Variants in DLG1 observed in about 807,000 individuals in gnomAD.
DLG1 encodes the protein discs large MAGUK scaffold protein 1.
DLG1 carries 42 observed loss-of-function variants against 123.4 expected under a neutral mutation model. The ratio of observed to expected loss-of-function variants is 0.34; its 90% confidence interval spans 0.27 to 0.44. The LOEUF is 0.44. Ranked by LOEUF, DLG1 falls within the 20% of genes least tolerant of loss-of-function variation. DLG1 has a pLI of 1.00. For synonymous variants in DLG1, 317 were observed against 356.2 expected, an observed-to-expected ratio of 0.89 and a Z score of 1.24; for missense variants, 942 against 1,082.6, an observed-to-expected ratio of 0.87 and a Z score of 1.82.
At position 197,169,548 on chromosome 3, in the gene DLG1, T is replaced by C. The variant is rs542421214; in HGVS notation, c.484-19752A>G. 3.3e-5 allele frequency among the ~76,000 whole-genome samples: 5 copies of C among 152,324 alleles called. No individual in the cohort carries two copies. In the South Asian group the frequency reaches 1.0e-3, roughly 32 times the overall value. ...TTTATACAAGAGTTCGACTCAGGTA[T>C]AAAAGAGTTGCAAGGCTATCTAAAT... On this transcript the variant is annotated intron_variant, in intron 5 of 24. Coordinates refer to ENST00000667157, the MANE Select transcript of DLG1 (RefSeq NM_001366207.1).
intron 4 of DLG1, among the ~76,000 whole-genome samples, chr3:197,246,569 GAATA>G (rs1751823322): frequency 6.6e-6 from 1 of 152,164 alleles, no homozygotes; most frequent in South Asian, 2.1e-4. Context: ...GTAATAGACT[GAATA>G]AATTTGGGCC....
chr3:197,133,155 G>C (rs1189706667), intron 10 of DLG1, among the ~76,000 whole-genome samples: 3 of 152,174 alleles, frequency 2.0e-5, no homozygotes, highest in South Asian at 2.1e-4. Flanking sequence ...CACGTAACTA[G>C]CTTTAGCCAA....
At chr3:197,186,238 C>T (rs1220013229) in intron 5 of DLG1, among the ~76,000 whole-genome samples, 1 of 152,056 alleles carries the variant, frequency 6.6e-6, no homozygotes, top group African/African-American at 2.4e-5. Flanking sequence ...AGGTGGAAGG[C>T]GGAAGGCAAC....
At chr3:197,100,604 G>C (rs1208884399) in intron 14 of DLG1, among the ~76,000 whole-genome samples, 1 of 152,182 alleles carries the variant, frequency 6.6e-6, no homozygotes, top group East Asian at 1.9e-4. Flanking sequence ...TACTCTTGAG[G>C]AACAATAAGA....
intron 13 of DLG1, among the ~76,000 whole-genome samples, chr3:197,111,625 T>C (rs528184538): frequency 6.6e-6 from 1 of 152,214 alleles, no homozygotes; most frequent in Non-Finnish European, 1.5e-5. Flanking sequence ...ATAAAAATCA[T>C]GAAACCACTA....
chr3:197,102,287 T>C (rs368600371), intron 14 of DLG1, among the ~76,000 whole-genome samples: 1 of 152,180 alleles, frequency 6.6e-6, no homozygotes, highest in East Asian at 1.9e-4. Flanking sequence ...AGGCAAACCA[T>C]AGATCCTGAA....
chr3:197,195,037 ATCTCTC>A (rs77257107), intron 4 of DLG1, among the ~76,000 whole-genome samples: 130 of 150,560 alleles, frequency 8.6e-4, no homozygotes, highest in Middle Eastern at 3.5e-3. Flanking sequence ...TTTAACTATA[ATCTCTC>A]TCTCTCTCTC....
intron 6 of DLG1, among the ~76,000 whole-genome samples, chr3:197,146,329 G>C (rs1790744141): frequency 6.6e-6 from 1 of 152,026 alleles, no homozygotes; most frequent in Non-Finnish European, 1.5e-5. Flanking sequence ...AACCAAAAAA[G>C]AGCCTCCACA....
intron 18 of DLG1, among the ~76,000 whole-genome samples, chr3:197,071,788 T>C (rs1356223708): frequency 6.6e-6 from 1 of 152,070 alleles, no homozygotes; most frequent in Admixed American, 6.6e-5. Context: ...AAAACAGACA[T>C]GTCAAGCATC....
At position 197,059,970 on chromosome 3, in the gene DLG1, C is replaced by A. The variant is rs1734624000; in HGVS notation, c.2402G>T (p.Gly801Val). Residue 801 changes from glycine (G) to valine (V), a missense_variant, in exon 23 of 25, where the codon GGA becomes GTA. Gly to Val is a moderately radical substitution (Grantham distance 109, BLOSUM62 -3). Transcript: ENST00000667157. ...KGKHCILDVS[G>V]NAIKRLQIAQ... ...AATCTGTAATCTCTTTATGGCATTT[C>A]CAGACACATCAAGGATACAGTGTTT... 1 of 1,613,594 alleles carries A rather than the reference C, an allele frequency of 6.2e-7. No homozygotes were observed. Among genetic ancestry groups the A allele is most frequent in the African/African-American group, 1.3e-5 (1 of 74,960 alleles).
chr3:197,268,258 T>C (rs1661907989), intron 4 of DLG1, among the ~76,000 whole-genome samples: 2 of 152,174 alleles, frequency 1.3e-5, no homozygotes, highest in African/African-American at 4.8e-5. Flanking sequence ...TCAAAACTAA[T>C]TGGGGGTGTC....
chr3:197,086,542 T>C (rs1754477804), intron 15 of DLG1, among the ~76,000 whole-genome samples: 1 of 152,204 alleles, frequency 6.6e-6, no homozygotes, highest in South Asian at 2.1e-4. Context: ...AACTGGAAAT[T>C]AGGATGAAAA....
intron 4 of DLG1, among the ~76,000 whole-genome samples, chr3:197,225,002 G>A (rs1312094328): frequency 1.3e-5 from 2 of 152,202 alleles, no homozygotes; most frequent in African/African-American, 4.8e-5. Flanking sequence ...TGTGGCCCAG[G>A]CCGGAGTGCA....
chr3:197,199,070 A>G (rs932381342), intron 4 of DLG1, among the ~76,000 whole-genome samples: 4 of 152,180 alleles, frequency 2.6e-5, no homozygotes, highest in Non-Finnish European at 5.9e-5. Context: ...TCAAATTATT[A>G]TAAAAATTAT....
intron 3 of DLG1, among the ~76,000 whole-genome samples, chr3:197,292,103 A>C (rs2151254298): frequency 6.6e-6 from 1 of 152,322 alleles, no homozygotes; most frequent in Middle Eastern, 3.4e-3. Flanking sequence ...ATGATCCCAC[A>C]ATCCTATTTC....
At chr3:197,269,476 CTTATT>C (rs570152706) in intron 4 of DLG1, among the ~76,000 whole-genome samples, 1 of 152,110 alleles carries the variant, frequency 6.6e-6, no homozygotes, top group Non-Finnish European at 1.5e-5. Flanking sequence ...TCTTTCTCTC[CTTATT>C]TTAACTTTAT....
intron 3 of DLG1, 44 bp from the exon 4 acceptor site, chr3:197,282,889 A>G: frequency 8.0e-7 from 1 of 1,250,576 alleles, no homozygotes; most frequent in Non-Finnish European, 1.1e-6. Context: ...TATATTTTCT[A>G]ACTAAATTAT....
In DLG1 at chr3:197,132,637, A is replaced by T. The variant is rs536653128; in HGVS notation, c.1021-1966T>A. Among the ~76,000 whole-genome samples the T allele has an allele frequency of 2.6e-3, 375 of 143,412 alleles. 4 individuals carry two copies. Among genetic ancestry groups the T allele is most frequent in the African/African-American group, 9.3e-3 (355 of 38,314 alleles). The allele number at this position is 143,412 out of a possible 152,430, so 94.1% of individuals were successfully genotyped here. ...TAAATAGCTGTGGCATACTGCTGAA[A>T]TACACATTAAATAGCTGTGGCATAC... On this transcript the variant is annotated intron_variant, in intron 10 of 24. Coordinates refer to ENST00000667157, the MANE Select transcript of DLG1 (RefSeq NM_001366207.1).
intron 4 of DLG1, among the ~76,000 whole-genome samples, chr3:197,277,227 C>A (rs574460173): frequency 1.3e-5 from 2 of 150,840 alleles, no homozygotes; most frequent in South Asian, 4.2e-4. Context: ...TTTTTTTTAA[C>A]CTTTGAATCT....
Sources: gnomAD v4.1 joint callset for allele counts (sites outside exome capture counted in the v4.1 genomes callset) on GRCh38, gnomAD v4.1.1 for gene constraint, MANE v1.5 for transcripts, NCBI Gene and HGNC (gene_info 2026-07-23, HGNC 2026-07-21) for gene names.